Variants in DNAAF11 observed in about 807,000 individuals in gnomAD.
DNAAF11 encodes the protein dynein axonemal assembly factor 11.
In DNAAF11, 45 loss-of-function variants were observed where a neutral mutation model predicts 60.8. That is an observed-to-expected ratio of 0.74 (90% CI 0.58 to 0.95). DNAAF11 has a LOEUF of 0.95. Ranked by LOEUF, DNAAF11 falls within the 40% of genes least tolerant of loss-of-function variation. DNAAF11 has a pLI of 0.00. For synonymous variants in DNAAF11, 191 were observed against 183.5 expected (o/e 1.04, Z -0.33); for missense variants, 546 against 546.2 (o/e 1.00, Z 0.00).
Position 132,643,356 on chromosome 8 carries a change from G to T in DNAAF11, c.257-5249C>A, listed in dbSNP as rs1035132706. 13 of 231,930 alleles carry T rather than the reference G, an allele frequency of 5.6e-5. No homozygotes were observed. The Admixed American group carries it at 6.2e-4, about 11-fold the overall frequency. 14.4% of individuals were successfully genotyped at this position (231,930 alleles called of 1,614,324 possible). Reference sequence around the variant, plus strand: ...AAGTAGTTGTCACCACCCAGCAGAGGTGTAGCCCAGGACTGACCTGCCTGG... The same window carrying T: ...AAGTAGTTGTCACCACCCAGCAGAGTTGTAGCCCAGGACTGACCTGCCTGG... On this transcript the variant is annotated intron_variant, in intron 3 of 11. Transcript: ENST00000620350.
At chr8:132,641,528 A>G (rs1260171701) in intron 3 of DNAAF11, among the ~76,000 whole-genome samples, 1 of 152,168 alleles carries the variant, frequency 6.6e-6, no homozygotes, top group African/African-American at 2.4e-5. Context: ...AAATGAAGAG[A>G]TGGGAGGAGG....
chr8:132,617,984 G>A (rs1044314059), intron 7 of DNAAF11, among the ~76,000 whole-genome samples: 1 of 148,768 alleles, frequency 6.7e-6, no homozygotes, highest in Non-Finnish European at 1.5e-5. Context: ...AGCCCACATC[G>A]CCAAGTCAAT....
intron 1 of DNAAF11, among the ~76,000 whole-genome samples, chr8:132,667,127 ACTT>A (rs944326354): frequency 8.5e-5 from 13 of 152,304 alleles, no homozygotes; most frequent in Middle Eastern, 3.4e-3. Context: ...CTTAGAATGA[ACTT>A]CTACTATTAT....
intron 9 of DNAAF11, 79 bp from the exon 10 acceptor site, chr8:132,610,340 A>C (rs1818536669): frequency 5.7e-6 from 5 of 881,512 alleles, no homozygotes; most frequent in Non-Finnish European, 9.5e-6. Context: ...CATTTTCATT[A>C]CAAATTCAAG....
chr8:132,649,470 G>T (rs1302605233), intron 3 of DNAAF11, among the ~76,000 whole-genome samples: 1 of 152,170 alleles, frequency 6.6e-6, no homozygotes, highest in Non-Finnish European at 1.5e-5. Flanking sequence ...AGGGCTTTAT[G>T]ACTAAAACAC....
chr8:132,651,081 A>G (rs1413061915), intron 3 of DNAAF11, among the ~76,000 whole-genome samples: 1 of 152,116 alleles, frequency 6.6e-6, no homozygotes, highest in Non-Finnish European at 1.5e-5. Flanking sequence ...CCCAGCCTCT[A>G]TCTCCTGTTC....
intron 7 of DNAAF11, among the ~76,000 whole-genome samples, chr8:132,616,960 A>G (rs1005710464): frequency 6.6e-6 from 1 of 152,154 alleles, no homozygotes; most frequent in African/African-American, 2.4e-5. Flanking sequence ...TACTGTTGAC[A>G]TCATCAAAGG....
At chr8:132,680,085 CA>C, upstream of DNAAF11, among the ~76,000 whole-genome samples, 1 of 152,144 alleles carries the variant, frequency 6.6e-6, no homozygotes, top group East Asian at 1.9e-4. Context: ...ACAGAGGACC[CA>C]GGGGGTATGA....
rs569267396 is a variant in DNAAF11, at chr8:132,603,156, T to G, written c.1140+7010A>C. 5.3e-5 allele frequency among the ~76,000 whole-genome samples: 8 copies of G among 152,290 alleles called. No individual in the cohort carries two copies. The South Asian group carries it at 1.7e-3, about 32-fold the overall frequency. ...CTATCTTGGTAGGTACTGGTACTAT[T>G]AAGATGTTTTTAAAATATGTAGTCC... On this transcript the variant is annotated intron_variant, in intron 10 of 11. Transcript: ENST00000620350.
chr8:132,601,600 A>G (rs1399239668), intron 10 of DNAAF11, among the ~76,000 whole-genome samples: 2 of 152,132 alleles, frequency 1.3e-5, no homozygotes, highest in Non-Finnish European at 2.9e-5. Context: ...GCCATAAAAA[A>G]GATGAGTTCA....
chr8:132,589,870 T>C (rs2131063102), intron 10 of DNAAF11, among the ~76,000 whole-genome samples: 1 of 152,298 alleles, frequency 6.6e-6, no homozygotes, highest in South Asian at 2.1e-4. Context: ...TGAAATACAA[T>C]CCATTATCCA....
intron 10 of DNAAF11, among the ~76,000 whole-genome samples, chr8:132,590,380 T>G (rs770418245): frequency 7.9e-5 from 12 of 152,240 alleles, no homozygotes; most frequent in Non-Finnish European, 1.5e-4. Flanking sequence ...GTGTTTGCTT[T>G]CTGCCGACAC....
chr8:132,658,761 G>A lies in DNAAF11; in HGVS notation c.179-1854C>T, dbSNP rs189916918. On this transcript the variant is annotated intron_variant, in intron 2 of 11. Coordinates refer to ENST00000620350, the MANE Select transcript of DNAAF11 (RefSeq NM_012472.6). ...TTTCCCTTCCCCACCTTTGTTATAC[G>A]CATCACCCTCTAAACGCTAAAGGAG... Among the ~76,000 whole-genome samples the A allele has an allele frequency of 5.9e-5, 9 of 152,144 alleles. No individual in the cohort carries two copies. In the South Asian group the frequency reaches 1.0e-3, roughly 18 times the overall value.
chr8:132,677,748 C>T (rs6471089), upstream of DNAAF11, among the ~76,000 whole-genome samples: 24,817 of 152,000 alleles, frequency 0.16, 5,690 homozygotes, highest in African/African-American at 0.52. Context: ...CTAAAAAAAT[C>T]GGGGTGCTGG....
intron 11 of DNAAF11, among the ~76,000 whole-genome samples, chr8:132,574,737 A>T (rs557716221): frequency 6.6e-6 from 1 of 152,290 alleles, no homozygotes; most frequent in East Asian, 1.9e-4. Flanking sequence ...CCCTCGACAC[A>T]CTGCCTTTTG....
chr8:132,629,243 C>A (rs1226228529), intron 5 of DNAAF11, among the ~76,000 whole-genome samples: 1 of 151,954 alleles, frequency 6.6e-6, no homozygotes, highest in Admixed American at 6.6e-5. Flanking sequence ...CTTAACATGA[C>A]CCAAAATCCC....
At chr8:132,638,217 G>T in intron 3 of DNAAF11, 110 bp from the exon 4 acceptor site, 1 of 779,840 alleles carries the variant, frequency 1.3e-6, no homozygotes, top group Non-Finnish European at 2.1e-6. Context: ...TTTTCAGTCT[G>T]CTGATTTATT....
At chr8:132,604,396 A>G (rs1817936854) in intron 10 of DNAAF11, among the ~76,000 whole-genome samples, 1 of 152,186 alleles carries the variant, frequency 6.6e-6, no homozygotes, top group Non-Finnish European at 1.5e-5. Context: ...CAAGATATTC[A>G]CCACTGAAGT....
chr8:132,638,189 G>T (rs1424072713), intron 3 of DNAAF11, 82 bp from the exon 4 acceptor site: 10 of 1,013,444 alleles, frequency 9.9e-6, no homozygotes, highest in Middle Eastern at 2.1e-4. Flanking sequence ...TCACATAACA[G>T]AAGTAACAGT....
Sources: allele counts gnomAD v4.1 joint callset (sites outside exome capture counted in the v4.1 genomes callset), GRCh38; gene constraint gnomAD v4.1.1; transcripts MANE v1.5; gene names NCBI Gene and HGNC (gene_info 2026-07-23, HGNC 2026-07-21).